The following CEP128 variants were observed in gnomAD, a reference collection of about 807,000 sequenced individuals.
CEP128 encodes centrosomal protein 128kDa.
A neutral mutation model predicts 156.7 loss-of-function variants in CEP128; 132 were observed. The ratio of observed to expected loss-of-function variants is 0.84; its 90% CI spans 0.73 to 0.97. The LOEUF is 0.97. CEP128 is among the 50% of genes least tolerant of loss of function. The pLI, the probability that CEP128 is intolerant of heterozygous loss-of-function variation, is 0.00. For synonymous variants in CEP128, 469 were observed against 448.9 expected (o/e 1.04, Z -0.57); for missense variants, 1,252 against 1,281.9 (o/e 0.98, Z 0.36).
chr14:80,612,581 A>G (rs1028941111), intron 19 of CEP128, among the ~76,000 whole-genome samples: 27 of 152,228 alleles, frequency 1.8e-4, no homozygotes, highest in African/African-American at 6.3e-4. Flanking sequence ...GAGTACATGA[A>G]TTACTTAATA....
At chr14:80,910,438 G>A (rs1884141372) in intron 4 of CEP128, among the ~76,000 whole-genome samples, 1 of 152,110 alleles carries the variant, frequency 6.6e-6, no homozygotes. Flanking sequence ...TAGTGAGTGA[G>A]TTATCATGAG....
chr14:80,518,735 T>C (rs1217305362), intron 23 of CEP128, among the ~76,000 whole-genome samples: 1 of 152,224 alleles, frequency 6.6e-6, no homozygotes, highest in Non-Finnish European at 1.5e-5. Context: ...CATTTATTTC[T>C]TTCACTTTTG....
Position 80,530,891 on chromosome 14 carries a change from A to T in CEP128, c.2881-5T>A. The stretch of plus-strand genomic sequence containing the variant: ...GTCCAAGGCCACTTGGGTACTCTGA[A>T]ATAGAAAACATAAGGAAACCAAACA... On this transcript the variant is annotated splice_region_variant and splice_polypyrimidine_tract_variant and intron_variant, in intron 21 of 24. Transcript: ENST00000555265. 1.3e-6 allele frequency: 2 copies of T among 1,587,818 alleles called. No homozygotes were observed. The highest frequency in any genetic ancestry group is 1.7e-6 in the Non-Finnish European group (2 of 1,164,246).
intron 19 of CEP128, among the ~76,000 whole-genome samples, chr14:80,591,395 A>T (rs1892061721): frequency 6.6e-6 from 1 of 152,156 alleles, no homozygotes; most frequent in African/African-American, 2.4e-5. Context: ...ACCAACAAAG[A>T]TCAAAAAAGA....
downstream of CEP128, among the ~76,000 whole-genome samples, chr14:80,495,676 T>C (rs577960267): frequency 3.9e-5 from 6 of 152,176 alleles, no homozygotes; most frequent in South Asian, 1.2e-3. Flanking sequence ...GCAATTTTTT[T>C]TAAATGACCA....
chr14:80,806,371 C>T (rs2139917333), intron 13 of CEP128, among the ~76,000 whole-genome samples: 1 of 152,226 alleles, frequency 6.6e-6, no homozygotes, highest in African/African-American at 2.4e-5. Flanking sequence ...ACTAGATGTT[C>T]ACTACATGGA....
intron 18 of CEP128, 31 bp from the exon 19 acceptor site, chr14:80,743,298 A>C (rs1250292897): frequency 3.4e-6 from 5 of 1,451,102 alleles, no homozygotes; most frequent in East Asian, 4.6e-5. Context: ...CTAATGGTTA[A>C]AGAAACTCAG....
intron 13 of CEP128, among the ~76,000 whole-genome samples, chr14:80,820,876 A>G (rs117511600): frequency 0.016 from 2,424 of 152,302 alleles, 32 homozygotes; most frequent in African/African-American, 0.028. Flanking sequence ...GCAAAATACA[A>G]TCTAACATTT....
At chr14:80,869,816 T>C (rs1887940111) in intron 8 of CEP128, among the ~76,000 whole-genome samples, 1 of 151,952 alleles carries the variant, frequency 6.6e-6, no homozygotes, top group Admixed American at 6.6e-5. Context: ...AAAGTTAGTT[T>C]TTTGAAAAGA....
intron 2 of CEP128, among the ~76,000 whole-genome samples, chr14:80,924,425 CACT>C (rs777097563): frequency 1.3e-4 from 20 of 152,092 alleles, no homozygotes; most frequent in Non-Finnish European, 2.4e-4. Context: ...AATGAGTTGT[CACT>C]ACATTAGAAA....
intron 19 of CEP128, among the ~76,000 whole-genome samples, chr14:80,656,106 C>G (rs1895122378): frequency 6.6e-6 from 1 of 151,160 alleles, no homozygotes; most frequent in Non-Finnish European, 1.5e-5. Flanking sequence ...TGAAAACTGT[C>G]CTATCAAAAG....
intron 14 of CEP128, among the ~76,000 whole-genome samples, chr14:80,786,080 T>C (rs1161300657): frequency 2.6e-5 from 4 of 152,070 alleles, no homozygotes; most frequent in East Asian, 1.9e-4. Flanking sequence ...AACTCACCAA[T>C]ATGCAACTGG....
intron 23 of CEP128, among the ~76,000 whole-genome samples, chr14:80,510,311 T>G (rs1313319671): frequency 2.0e-5 from 3 of 152,186 alleles, no homozygotes; most frequent in Non-Finnish European, 2.9e-5. Flanking sequence ...CAATGTTTTA[T>G]AGTTTTCATT....
intron 13 of CEP128, among the ~76,000 whole-genome samples, chr14:80,809,337 GAAGA>G (rs920912336): frequency 2.0e-5 from 3 of 151,606 alleles, no homozygotes; most frequent in African/African-American, 7.3e-5. Flanking sequence ...TAAAAAAAAA[GAAGA>G]AACAGAGCAG....
At chr14:80,486,485 C>A (rs557646117), downstream of CEP128, among the ~76,000 whole-genome samples, 4 of 151,916 alleles carry the variant, frequency 2.6e-5, no homozygotes, top group South Asian at 8.4e-4. Flanking sequence ...TCTAGCAAGG[C>A]AGGCCAACAT....
chr14:80,757,252 G>A (rs572597013), intron 17 of CEP128, among the ~76,000 whole-genome samples: 1 of 152,116 alleles, frequency 6.6e-6, no homozygotes, highest in Non-Finnish European at 1.5e-5. Context: ...ATGGCAAACA[G>A]CTTCAATTAA....
intron 23 of CEP128, chr14:80,514,592 G>A (rs1415814674): frequency 5.2e-5 from 14 of 269,224 alleles, no homozygotes; most frequent in South Asian, 3.4e-4. Flanking sequence ...CAATCTCTTT[G>A]TTAAGTTTAT....
At chr14:80,824,528 A>G (rs1408885749) in intron 13 of CEP128, among the ~76,000 whole-genome samples, 1 of 152,190 alleles carries the variant, frequency 6.6e-6, no homozygotes, top group East Asian at 1.9e-4. Flanking sequence ...TATTCTGAAC[A>G]GATATCCTAA....
intron 19 of CEP128, among the ~76,000 whole-genome samples, chr14:80,587,690 G>C (rs1404788168): frequency 6.6e-6 from 1 of 152,264 alleles, no homozygotes; most frequent in East Asian, 1.9e-4. Context: ...GGTAACATGA[G>C]CAGAGAAAGT....
Sources: allele counts gnomAD v4.1 joint callset (sites outside exome capture counted in the v4.1 genomes callset), GRCh38; gene constraint gnomAD v4.1.1; transcripts MANE v1.5; gene names NCBI Gene and HGNC (gene_info 2026-07-23, HGNC 2026-07-21).